The following IPO5 variants were observed in gnomAD, a reference collection of about 807,000 sequenced individuals.
IPO5 encodes importin-5.
Under a neutral mutation model 143.3 loss-of-function variants are expected in IPO5, and 18 were observed. That is an observed-to-expected ratio of 0.13 (90% CI 0.09 to 0.19). The LOEUF is 0.19. Among genes scored for constraint, IPO5 ranks in the 10% least tolerant of loss-of-function variants. The pLI, the probability that IPO5 is intolerant of heterozygous loss-of-function variation, is 1.00. For synonymous variants in IPO5, 477 were observed against 465.7 expected, an observed-to-expected ratio of 1.02 and a Z score of -0.31; for missense variants, 1,013 against 1,336.9, an observed-to-expected ratio of 0.76 and a Z score of 3.78.
chr13:98,005,992 A>G, intron 16 of IPO5, 138 bp from the exon 17 acceptor site: 1 of 635,476 alleles, frequency 1.6e-6, no homozygotes, highest in East Asian at 2.7e-5. Context: ...TCCAAAACCT[A>G]CAGTCTCTGC....
intron 3 of IPO5, among the ~76,000 whole-genome samples, chr13:97,971,050 T>C (rs1165865989): frequency 6.6e-6 from 1 of 152,234 alleles, no homozygotes; most frequent in Non-Finnish European, 1.5e-5. Flanking sequence ...ACAGGTTACC[T>C]TGGGCAAGAT....
chr13:97,976,177 C>A (rs1261493046), intron 3 of IPO5, among the ~76,000 whole-genome samples: 2 of 151,832 alleles, frequency 1.3e-5, no homozygotes, highest in South Asian at 2.1e-4. Context: ...CAGCAGCTGG[C>A]CCCTCCTCCC....
chr13:97,977,219 T>A (rs1038773774), intron 4 of IPO5, among the ~76,000 whole-genome samples: 6 of 152,206 alleles, frequency 3.9e-5, no homozygotes. Context: ...AAACCCTGGC[T>A]GCTACCTGAC....
chr13:98,005,894 A>G (rs1223552782), intron 16 of IPO5, among the ~76,000 whole-genome samples: 2 of 152,178 alleles, frequency 1.3e-5, no homozygotes, highest in Non-Finnish European at 1.5e-5. Context: ...TGAGACTAAC[A>G]TGAGTTAGAG....
chr13:98,005,041 G>A (rs569210500), intron 16 of IPO5, among the ~76,000 whole-genome samples: 5 of 151,976 alleles, frequency 3.3e-5, no homozygotes, highest in Admixed American at 1.3e-4. Context: ...GATTACAGAC[G>A]TGCACCCACC....
intron 13 of IPO5, 167 bp from the exon 14 acceptor site, chr13:98,002,300 C>G: frequency 4.0e-6 from 2 of 499,994 alleles, no homozygotes; most frequent in East Asian, 6.9e-5. Context: ...CAGGCGCGAG[C>G]CACCGCGCCC....
rs1304488585 is a variant in IPO5, at chr13:97,990,627, ATTATG to A, written c.669+93_669+97del. On this transcript the variant is annotated intron_variant, in intron 9 of 28. Transcript: ENST00000651721. ...TTTATGCAATAAATTCATATTGCCT[ATTATG>A]TTCTGGCGCTAGGCATACAGCAGTG... The A allele has an allele frequency of 5.5e-6, 4 of 721,562 alleles. No individual in the cohort carries two copies. The East Asian group carries it at 1.1e-4, about 20-fold the overall frequency. 44.7% of individuals were successfully genotyped at this position (721,562 alleles called of 1,614,324 possible). A position where few individuals can be genotyped will look rare whatever the true frequency, so the allele number is the denominator to read the frequency against.
intron 2 of IPO5, among the ~76,000 whole-genome samples, chr13:97,963,464 G>A (rs1885054543): frequency 6.6e-6 from 1 of 151,576 alleles, no homozygotes; most frequent in Non-Finnish European, 1.5e-5. Flanking sequence ...CCGCCTCCTG[G>A]GTTCAAGCAA....
intron 18 of IPO5, among the ~76,000 whole-genome samples, chr13:98,009,505 A>G (rs1465496551): frequency 6.6e-6 from 1 of 152,210 alleles, no homozygotes; most frequent in Non-Finnish European, 1.5e-5. Context: ...GATAAAATAC[A>G]TTTCTGTCTT....
At chr13:98,016,547 A>G (rs1385258211) in intron 24 of IPO5, among the ~76,000 whole-genome samples, 182 bp from the exon 25 acceptor site, 2 of 152,206 alleles carry the variant, frequency 1.3e-5, no homozygotes, top group Admixed American at 1.3e-4. Flanking sequence ...GCCTTTGATT[A>G]GTAAGAGACA....
chr13:98,008,684 A>G (rs12585667), intron 18 of IPO5, among the ~76,000 whole-genome samples: 2,110 of 152,252 alleles, frequency 0.014, 84 homozygotes, highest in East Asian at 0.13. Context: ...ACATAGGTAT[A>G]CATACCCAGC....
At chr13:97,964,511 G>T in intron 2 of IPO5, among the ~76,000 whole-genome samples, 1 of 144,076 alleles carries the variant, frequency 6.9e-6, no homozygotes, top group Non-Finnish European at 1.5e-5. Flanking sequence ...GCAGTGGCGC[G>T]ATCTCGGCTC....
chr13:98,000,158 A>G (rs1888641067), intron 12 of IPO5, among the ~76,000 whole-genome samples: 1 of 152,074 alleles, frequency 6.6e-6, no homozygotes, highest in Non-Finnish European at 1.5e-5. Context: ...GGTGGCGGGC[A>G]CCTGTAGTCC....
At chr13:98,014,969 T>C (rs1890015792) in intron 22 of IPO5, among the ~76,000 whole-genome samples, 1 of 152,130 alleles carries the variant, frequency 6.6e-6, no homozygotes, top group Non-Finnish European at 1.5e-5. Context: ...TTCCTCTTCA[T>C]TGAGTCACTT....
chr13:98,012,495 T>C (rs533195329), intron 21 of IPO5, among the ~76,000 whole-genome samples, 153 bp downstream of exon 21: 41 of 152,336 alleles, frequency 2.7e-4, no homozygotes, highest in Non-Finnish European at 4.1e-4. Flanking sequence ...GTTCTCTGCA[T>C]GTGCCTTTGT....
chr13:97,956,313 T>C (rs1279153744), intron 2 of IPO5, among the ~76,000 whole-genome samples: 1 of 152,092 alleles, frequency 6.6e-6, no homozygotes, highest in Non-Finnish European at 1.5e-5. Context: ...AGGTTATCCC[T>C]CAAACACAGA....
intron 20 of IPO5, 76 bp downstream of exon 20, chr13:98,010,300 C>A: frequency 7.5e-7 from 1 of 1,324,704 alleles, no homozygotes; most frequent in Non-Finnish European, 1.0e-6. Flanking sequence ...TTAATAGCTG[C>A]TAAAGAAATT....
intron 16 of IPO5, among the ~76,000 whole-genome samples, chr13:98,005,377 ATTT>A (rs2139791150): frequency 9.3e-6 from 1 of 107,242 alleles, no homozygotes; most frequent in African/African-American, 5.1e-5. Flanking sequence ...TTATTTATTT[ATTT>A]ATTTATTTAT....
intron 16 of IPO5, among the ~76,000 whole-genome samples, chr13:98,004,895 A>T (rs888282181): frequency 6.9e-6 from 1 of 145,520 alleles, no homozygotes; most frequent in African/African-American, 2.8e-5. Flanking sequence ...ATTTTATTTT[A>T]TTTATTTATT....
Sources: gnomAD v4.1 joint callset for allele counts (sites outside exome capture counted in the v4.1 genomes callset) on GRCh38, gnomAD v4.1.1 for gene constraint, MANE v1.5 for transcripts, NCBI Gene and HGNC (gene_info 2026-07-23, HGNC 2026-07-21) for gene names.